The following CD101 variants were observed in gnomAD, a reference collection of about 807,000 sequenced individuals.
CD101 encodes the protein immunoglobulin superfamily member 2.
A neutral mutation model predicts 98.2 loss-of-function variants in CD101; 76 were observed. The ratio of observed to expected loss-of-function variants is 0.77; its 90% CI spans 0.64 to 0.94. The LOEUF is 0.94. Among genes scored for constraint, CD101 ranks in the 40% least tolerant of loss-of-function variants. The pLI is 0.00. For missense variants in CD101, 1,145 were observed against 1,218.8 expected, an observed-to-expected ratio of 0.94 and a Z score of 0.90; for synonymous variants, 471 against 472.7, an observed-to-expected ratio of 1.00 and a Z score of 0.05.
chr1:117,020,706 C>G (rs565624148), intron 6 of CD101, among the ~76,000 whole-genome samples: 4 of 152,184 alleles, frequency 2.6e-5, no homozygotes, highest in Non-Finnish European at 4.4e-5. Context: ...CATCTCTAAG[C>G]CTCTGTCCCT....
intron 8 of CD101, among the ~76,000 whole-genome samples, chr1:117,029,285 T>C (rs12410440): frequency 0.49 from 63,128 of 129,046 alleles, 15,959 homozygotes; most frequent in African/African-American, 0.58. Context: ...GTAGATACGG[T>C]TGACAGTCCA....
In CD101 at chr1:117,034,197, G is replaced by A. The variant is rs138265623; in HGVS notation, c.*33+63G>A. 729 of 1,482,774 alleles carry A rather than the reference G, an allele frequency of 4.9e-4. 6 individuals are homozygous for A. The highest frequency in any genetic ancestry group is 1.1e-4 in the Non-Finnish European group (119 of 1,097,924). The allele number at this position is 1,482,774 out of a possible 1,614,324, so 91.9% of individuals were successfully genotyped here. On this transcript the variant is annotated intron_variant, in intron 9 of 9. Coordinates refer to ENST00000682167, the MANE Select transcript of CD101 (RefSeq NM_001256106.3). ...GAATCCTGGTTCTGTCCTCAACTAT[G>A]TCTGCGGCCTTGGGCAAGTTACCTA... is the stretch of plus-strand genomic sequence containing the variant.
chr1:117,035,576 G>A (rs1391672695), intron 9 of CD101, among the ~76,000 whole-genome samples: 14 of 139,658 alleles, frequency 1.0e-4, no homozygotes, highest in Non-Finnish European at 1.7e-4. Context: ...TTGAGATGAA[G>A]TCTCGCTCTG....
rs1237240164 is a variant in CD101, at chr1:117,011,765, A to G, written c.640A>G (p.Thr214Ala). The change falls in exon 3 of 10, where the codon ACA becomes GCA. Residue 214 changes from threonine to alanine, a missense_variant. Transcript: ENST00000682167. ...DFILVPGPLY[T>A]ERFAASDVQL... Reference sequence around the variant, plus strand: ...TATATTGGTCCCTGGGCCCTTGTATACAGAGCGGTTTGCAGCCAGTGACGT... The same window carrying G: ...TATATTGGTCCCTGGGCCCTTGTATGCAGAGCGGTTTGCAGCCAGTGACGT... 1 of 1,614,154 alleles carries G rather than the reference A, an allele frequency of 6.2e-7. No homozygotes were observed. Among genetic ancestry groups the G allele is most frequent in the Admixed American group, 1.7e-5 (1 of 60,022 alleles).
intron 4 of CD101, among the ~76,000 whole-genome samples, chr1:117,016,207 T>A (rs1653209972): frequency 6.8e-6 from 1 of 146,772 alleles, no homozygotes; most frequent in African/African-American, 2.5e-5. Flanking sequence ...TATATTTATT[T>A]ATATATATAT....
In CD101 at chr1:117,033,742, T is replaced by C; in HGVS notation, c.2825-118T>C. The stretch of plus-strand genomic sequence containing the variant: ...CATGATTTCAGGGGCCCACTGCTAT[T>C]TGGCCCCATTATTTTTACATATACT... On this transcript the variant is annotated intron_variant, in intron 8 of 9. Transcript: ENST00000682167. This position sits in a 1 kb window ranked among gnomAD's most constrained non-coding sequence, Gnocchi z 4.8. The C allele has an allele frequency of 7.3e-7, 1 of 1,361,312 alleles. No individual in the cohort carries two copies. Among genetic ancestry groups the C allele is most frequent in the Non-Finnish European group, 1.0e-6 (1 of 990,732 alleles). The allele number at this position is 1,361,312 out of a possible 1,614,324, so 84.3% of individuals were successfully genotyped here.
chr1:117,011,473 A>T, intron 2 of CD101, 77 bp from the exon 3 acceptor site: 1 of 1,223,912 alleles, frequency 8.2e-7, no homozygotes, highest in Non-Finnish European at 1.2e-6. Context: ...TACATAGGGT[A>T]GCTCAGGGCG....
chr1:117,024,880 A>T (rs1256003901), intron 7 of CD101, among the ~76,000 whole-genome samples: 1 of 152,128 alleles, frequency 6.6e-6, no homozygotes, highest in Non-Finnish European at 1.5e-5. Flanking sequence ...CCACTTTGGG[A>T]AGTAGAGGAG....
chr1:117,027,451 G>T (rs1654012422), intron 8 of CD101, among the ~76,000 whole-genome samples: 1 of 152,192 alleles, frequency 6.6e-6, no homozygotes, highest in Non-Finnish European at 1.5e-5. Flanking sequence ...GTAGGGAGAT[G>T]ATCTGGGAAG....
chr1:117,011,520 G>A (rs1425357738), intron 2 of CD101, 30 bp from the exon 3 acceptor site: 1 of 1,591,324 alleles, frequency 6.3e-7, no homozygotes, highest in Non-Finnish European at 8.6e-7. Context: ...CACTGGGCCA[G>A]TCACATTATT....
Position 117,013,653 on chromosome 1 carries a change from GATC to G in CD101, c.1090_1092del (p.Ile364del), listed in dbSNP as rs763067211. 1.2e-6 allele frequency: 2 copies of G among 1,614,144 alleles called. No individual in the cohort carries two copies. Among genetic ancestry groups the G allele is most frequent in the South Asian group, 2.2e-5 (2 of 91,084 alleles). ...TAGGCCCCAAGGCTTTCTCTCTCAAGATCTTCTCTCTGGGCCCAGAGGATGAAG... is the reference window on the plus strand; with the variant it reads ...TAGGCCCCAAGGCTTTCTCTCTCAAGTTCTCTCTGGGCCCAGAGGATGAAG... On this transcript the variant is annotated inframe_deletion, in exon 4 of 10. Coordinates refer to ENST00000682167, the MANE Select transcript of CD101 (RefSeq NM_001256106.3).
At position 117,023,098 on chromosome 1, in the gene CD101, C is replaced by T. The variant is rs1653680678; in HGVS notation, c.2428+1115C>T. 6.6e-6 allele frequency among the ~76,000 whole-genome samples: 1 copy of T among 152,214 alleles called. No homozygotes were observed. Among genetic ancestry groups the T allele is most frequent in the South Asian group, 2.1e-4 (1 of 4,830 alleles). ...AGCTCCAAGCCTTCATACCCAACTG[C>T]CTGCTGTACATTTCTACTTGGATGC... is the stretch of plus-strand genomic sequence containing the variant. On this transcript the variant is annotated intron_variant, in intron 7 of 9. Coordinates refer to ENST00000682167, the MANE Select transcript of CD101 (RefSeq NM_001256106.3). This position sits in a 1 kb window ranked among gnomAD's most constrained non-coding sequence, Gnocchi z 4.4.
Position 117,033,712 on chromosome 1 carries a change from C to T in CD101, c.2825-148C>T. On this transcript the variant is annotated intron_variant, in intron 8 of 9. Coordinates refer to ENST00000682167, the MANE Select transcript of CD101 (RefSeq NM_001256106.3). The surrounding 1 kb of genome is among the most constrained non-coding windows in gnomAD (Gnocchi z 4.8). Reference sequence around the variant, plus strand: ...TCTTCCCCCAGTGCTCTGTCCTGTGCTCCTCATGATTTCAGGGGCCCACTG... The same window carrying T: ...TCTTCCCCCAGTGCTCTGTCCTGTGTTCCTCATGATTTCAGGGGCCCACTG... The T allele has an allele frequency of 1.0e-6, 1 of 970,902 alleles. No homozygotes were observed. Among genetic ancestry groups the T allele is most frequent in the African/African-American group, 1.6e-5 (1 of 61,516 alleles). 60.1% of individuals were successfully genotyped at this position (970,902 alleles called of 1,614,324 possible).
At position 117,001,841 on chromosome 1, in the gene CD101, ATCTT is replaced by A. The variant is rs751713523; in HGVS notation, c.32_35del (p.Phe11SerfsTer3). On this transcript the variant is annotated frameshift_variant, in exon 1 of 10. Transcript: ENST00000682167. LOFTEE classifies it high-confidence loss of function. ...AAATGGCAGGCATCTCATATGTGGCATCTTTCTTTCTCCTTCTGAGTAAGTTTCA... is the reference window on the plus strand; with the variant it reads ...AAATGGCAGGCATCTCATATGTGGCATCTTTCTCCTTCTGAGTAAGTTTCA... 17 of 1,614,046 alleles carry A rather than the reference ATCTT, an allele frequency of 1.1e-5. No individual in the cohort carries two copies. The Admixed American group carries it at 1.8e-4, about 17-fold the overall frequency.
chr1:117,029,808 C>T (rs1351429481), intron 8 of CD101, among the ~76,000 whole-genome samples: 1 of 152,192 alleles, frequency 6.6e-6, no homozygotes, highest in Non-Finnish European at 1.5e-5. Flanking sequence ...CACAATAGGA[C>T]TGTAGAGCAT....
Position 117,025,569 on chromosome 1 carries a change from T to A in CD101, c.2489T>A (p.Val830Glu). Residue 830 changes from valine to glutamate, a missense_variant, in exon 8 of 10, where the codon GTG becomes GAG. Val to Glu is a moderately radical substitution (Grantham distance 121, BLOSUM62 -2). Transcript: ENST00000682167. ...WTENVTEHRE[V>E]AIRCSLESVG... ...GAAAATGTGACTGAGCACAGAGAAG[T>A]GGCCATCCGCTGCAGCCTGGAGAGT... is the stretch of plus-strand genomic sequence containing the variant. The A allele has an allele frequency of 6.2e-7, 1 of 1,611,824 alleles. No homozygotes were observed. The highest frequency in any genetic ancestry group is 8.5e-7 in the Non-Finnish European group (1 of 1,179,134).
chr1:117,021,468 C>A lies in CD101; in HGVS notation c.2018-105C>A, dbSNP rs534039533. 45 of 903,736 alleles carry A rather than the reference C, an allele frequency of 5.0e-5. 1 individual carries two copies. In the South Asian group the frequency reaches 8.0e-4, roughly 16 times the overall value. The allele number at this position is 903,736 out of a possible 1,614,324, so 56.0% of individuals were successfully genotyped here. A position where few individuals can be genotyped will look rare whatever the true frequency, so the allele number is the denominator to read the frequency against. ...GGGGCTACTGTAGAGGGAGTTCACC[C>A]ATATGATGGCGGGAGGATGCAGTGT... On this transcript the variant is annotated intron_variant, in intron 6 of 9. Transcript: ENST00000682167. This position sits in a 1 kb window ranked among gnomAD's most constrained non-coding sequence, Gnocchi z 4.7.
chr1:117,010,092 G>T lies in CD101; in HGVS notation c.286G>T (p.Val96Leu). 1 of 1,614,202 alleles carries T rather than the reference G, an allele frequency of 6.2e-7. No homozygotes were observed. Among genetic ancestry groups the T allele is most frequent in the Non-Finnish European group, 8.5e-7 (1 of 1,180,038 alleles). ...GCGGGTGCGAAGCGGAGACGTCTACGTGGAGAGGGTCCAGGGCAACTCAGT... is the reference window on the plus strand; with the variant it reads ...GCGGGTGCGAAGCGGAGACGTCTACTTGGAGAGGGTCCAGGGCAACTCAGT... Reference protein sequence around the residue: ...TQRVRSGDVYVERVQGNSVLL... With the variant: ...TQRVRSGDVYLERVQGNSVLL... The change falls in exon 2 of 10, where the codon GTG (valine) becomes TTG (leucine). Residue 96 changes from valine to leucine, a missense_variant. Coordinates refer to ENST00000682167, the MANE Select transcript of CD101 (RefSeq NM_001256106.3). The surrounding 1 kb of genome is among the most constrained non-coding windows in gnomAD (Gnocchi z 5.2).
At position 117,010,398 on chromosome 1, in the gene CD101, A is replaced by G. The variant is rs1453968570; in HGVS notation, c.424+168A>G. 6.6e-6 allele frequency among the ~76,000 whole-genome samples: 1 copy of G among 152,208 alleles called. No homozygotes were observed. Among genetic ancestry groups the G allele is most frequent in the African/African-American group, 2.4e-5 (1 of 41,448 alleles). On this transcript the variant is annotated intron_variant, in intron 2 of 9. Coordinates refer to ENST00000682167, the MANE Select transcript of CD101 (RefSeq NM_001256106.3). The surrounding 1 kb of genome is among the most constrained non-coding windows in gnomAD (Gnocchi z 5.2). ...GATATGTCACAAGTGGGTATCTCATATTCTCTAAAATTATCTGTTTCTTTT... is the reference window on the plus strand; with the variant it reads ...GATATGTCACAAGTGGGTATCTCATGTTCTCTAAAATTATCTGTTTCTTTT...
Sources: allele counts gnomAD v4.1 joint callset (sites outside exome capture counted in the v4.1 genomes callset), GRCh38; gene constraint gnomAD v4.1.1; non-coding constraint Gnocchi (gnomAD v3.1); transcripts MANE v1.5; gene names NCBI Gene and HGNC (gene_info 2026-07-23, HGNC 2026-07-21).